Variants in ASB18 observed in about 807,000 individuals in gnomAD.
ASB18 encodes the protein ankyrin repeat and SOCS box containing 18.
Under a neutral mutation model 33.4 loss-of-function variants are expected in ASB18, and 33 were observed. That is an observed-to-expected ratio of 0.99 (90% CI 0.75 to 1.32). The LOEUF is 1.32. Among genes scored for constraint, ASB18 ranks in the 40% most tolerant of loss-of-function variants. ASB18 has a pLI of 0.00. For synonymous variants in ASB18, 295 were observed against 307.6 expected (o/e 0.96, Z 0.43); for missense variants, 694 against 655.5 (o/e 1.06, Z -0.64).
chr2:236,208,489 G>A lies in ASB18; in HGVS notation c.1101+5873C>T, dbSNP rs1479319806. On this transcript the variant is annotated intron_variant, in intron 4 of 5. Coordinates refer to ENST00000409749, the MANE Select transcript of ASB18 (RefSeq NM_212556.4). This position sits in a 1 kb window ranked among gnomAD's most constrained non-coding sequence, Gnocchi z 7.7. ...GTCTTGCTCACTGCAAACCTCCAGC[G>A]ACCCTCCCACTGGCCCTGTCACTTC... 2.0e-5 allele frequency among the ~76,000 whole-genome samples: 3 copies of A among 152,132 alleles called. No homozygotes were observed. The highest frequency in any genetic ancestry group is 2.9e-5 in the Non-Finnish European group (2 of 68,028).
In ASB18 at chr2:236,260,670, G is replaced by A. The variant is rs2060713489; in HGVS notation, c.205+3471C>T. Among the ~76,000 whole-genome samples the A allele has an allele frequency of 6.6e-6, 1 of 152,216 alleles. No homozygotes were observed. Among genetic ancestry groups the A allele is most frequent in the Admixed American group, 6.5e-5 (1 of 15,282 alleles). ...GGAGGGAACCTAAACGATGAACCAA[G>A]CCAGCAGTGGTTCCCAAGGAGCATC... On this transcript the variant is annotated intron_variant, in intron 1 of 5. Transcript: ENST00000409749. The surrounding 1 kb of genome is among the most constrained non-coding windows in gnomAD (Gnocchi z 5.1).
At position 236,194,039 on chromosome 2, in the gene ASB18, G is replaced by T. The variant is rs1180186279; in HGVS notation, c.*833C>A. Reference sequence around the variant, plus strand: ...GCTGGGGTGGACTCTGGCCACGCACGACCCTGAACTAGAATAAGCACATTA... The same window carrying T: ...GCTGGGGTGGACTCTGGCCACGCACTACCCTGAACTAGAATAAGCACATTA... On this transcript the variant is annotated 3_prime_UTR_variant, in exon 6 of 6. Transcript: ENST00000409749. The surrounding 1 kb of genome is among the most constrained non-coding windows in gnomAD (Gnocchi z 4.5). 6.6e-6 allele frequency among the ~76,000 whole-genome samples: 1 copy of T among 151,952 alleles called. No homozygotes were observed. The highest frequency in any genetic ancestry group is 2.4e-5 in the African/African-American group (1 of 41,214).
rs1453830460 is a variant in ASB18 at position 236,208,722 on chromosome 2, C to T, written c.1101+5640G>A. Among the ~76,000 whole-genome samples, 4 of 152,214 alleles carry T rather than the reference C, an allele frequency of 2.6e-5. No individual in the cohort carries two copies. Among genetic ancestry groups the T allele is most frequent in the Non-Finnish European group, 5.9e-5 (4 of 68,040 alleles). On this transcript the variant is annotated intron_variant, in intron 4 of 5. Transcript: ENST00000409749. The surrounding 1 kb of genome is among the most constrained non-coding windows in gnomAD (Gnocchi z 7.7). ...TCCACCTCTCTGGGGCTCCCTGCCC[C>T]TCCCCGTCCTCTGCATCGTGCCCCC...
chr2:236,214,342 C>T lies in ASB18; in HGVS notation c.1101+20G>A. The T allele has an allele frequency of 1.3e-6, 2 of 1,558,730 alleles. No homozygotes were observed. The highest frequency in any genetic ancestry group is 1.4e-5 in the African/African-American group (1 of 73,380). Reference sequence around the variant, plus strand: ...GCAAAACTCCAGGGCACGTGCCAGCCGGGCTGGATCCTGCCTTACCTTGGG... The same window carrying T: ...GCAAAACTCCAGGGCACGTGCCAGCTGGGCTGGATCCTGCCTTACCTTGGG... On this transcript the variant is annotated intron_variant, in intron 4 of 5. Coordinates refer to ENST00000409749, the MANE Select transcript of ASB18 (RefSeq NM_212556.4). This position sits in a 1 kb window ranked among gnomAD's most constrained non-coding sequence, Gnocchi z 6.5.
Position 236,195,730 on chromosome 2 carries a change from G to C in ASB18, c.1215+542C>G, listed in dbSNP as rs1030608651. Among the ~76,000 whole-genome samples, 1 of 152,126 alleles carries C rather than the reference G, an allele frequency of 6.6e-6. No individual in the cohort carries two copies. The highest frequency in any genetic ancestry group is 1.5e-5 in the Non-Finnish European group (1 of 68,024). On this transcript the variant is annotated intron_variant, in intron 5 of 5. Coordinates refer to ENST00000409749, the MANE Select transcript of ASB18 (RefSeq NM_212556.4). The surrounding 1 kb of genome is among the most constrained non-coding windows in gnomAD (Gnocchi z 5.5). ...AAGCTTTCACCATGTTGGCCAGTCT[G>C]GTCTTGAACTCCTGACCTCAAGCGA...
chr2:236,199,990 G>C (rs1163254247), intron 4 of ASB18, among the ~76,000 whole-genome samples: 3 of 151,856 alleles, frequency 2.0e-5, no homozygotes, highest in Non-Finnish European at 4.4e-5. Context: ...TATTTTCCTG[G>C]AAAATAATCT....
rs560921852 is a variant in ASB18, at chr2:236,224,675, A to G, written c.597-9809T>C. Reference sequence around the variant, plus strand: ...GTGCAACCTTACTGGCATAACACGGACTCTCTCTGAGCCTTGGTTTTCTAA... The same window carrying G: ...GTGCAACCTTACTGGCATAACACGGGCTCTCTCTGAGCCTTGGTTTTCTAA... On this transcript the variant is annotated intron_variant, in intron 3 of 5. Coordinates refer to ENST00000409749, the MANE Select transcript of ASB18 (RefSeq NM_212556.4). Among the ~76,000 whole-genome samples the G allele has an allele frequency of 2.0e-5, 3 of 152,052 alleles. No homozygotes were observed. The South Asian group carries it at 6.2e-4, about 32-fold the overall frequency.
Position 236,214,538 on chromosome 2 carries a change from C to A in ASB18, c.925G>T (p.Ala309Ser), listed in dbSNP as rs1233934901. 2 of 1,422,720 alleles carry A rather than the reference C, an allele frequency of 1.4e-6. No individual in the cohort carries two copies. Among genetic ancestry groups the A allele is most frequent in the African/African-American group, 1.5e-5 (1 of 65,906 alleles). The allele number at this position is 1,422,720 out of a possible 1,614,324, so 88.1% of individuals were successfully genotyped here. A position where few individuals can be genotyped will look rare whatever the true frequency, so the allele number is the denominator to read the frequency against. ...KACGHASHSL[A>S]RLLLRHGADA... ...GCGCCGTGCCGCAGTAGGAGGCGCG[C>A]CAGGCTGTGGCTCGCGTGGCCGCAG... The change falls in exon 4 of 6, where the codon GCG (alanine) becomes TCG (serine). Residue 309 changes from alanine (A) to serine (S), a missense_variant. Transcript: ENST00000409749. The surrounding 1 kb of genome is among the most constrained non-coding windows in gnomAD (Gnocchi z 6.5).
At position 236,259,763 on chromosome 2, in the gene ASB18, G is replaced by T. The variant is rs1267167059; in HGVS notation, c.205+4378C>A. Among the ~76,000 whole-genome samples the T allele has an allele frequency of 1.3e-5, 2 of 152,232 alleles. No individual in the cohort carries two copies. Among genetic ancestry groups the T allele is most frequent in the Non-Finnish European group, 2.9e-5 (2 of 68,032 alleles). On this transcript the variant is annotated intron_variant, in intron 1 of 5. Coordinates refer to ENST00000409749, the MANE Select transcript of ASB18 (RefSeq NM_212556.4). The surrounding 1 kb of genome is among the most constrained non-coding windows in gnomAD (Gnocchi z 4.4). ...GCCTTCACAAGGGCACAGGCCAGTT[G>T]CCTGTTTAAGAGAATTCTGACTGAT...
intron 4 of ASB18, among the ~76,000 whole-genome samples, chr2:236,206,190 GTTTT>G (rs58498672): frequency 7.2e-6 from 1 of 138,024 alleles, no homozygotes; most frequent in Admixed American, 7.3e-5. Flanking sequence ...AGTTTCTTGG[GTTTT>G]TTTTTTTTTT....
In ASB18 at chr2:236,214,507, G is replaced by C; in HGVS notation, c.956C>G (p.Ala319Gly). 6.8e-7 allele frequency: 1 copy of C among 1,477,514 alleles called. No individual in the cohort carries two copies. The highest frequency in any genetic ancestry group is 1.5e-5 in the African/African-American group (1 of 67,556). 91.5% of individuals were successfully genotyped at this position (1,477,514 alleles called of 1,614,324 possible). A position where few individuals can be genotyped will look rare whatever the true frequency, so the allele number is the denominator to read the frequency against. The change falls in exon 4 of 6, where the codon GCG becomes GGG. Residue 319 changes from alanine (A) to glycine (G), a missense_variant. Physicochemically the swap from Ala to Gly is moderately conservative, Grantham distance 60 (BLOSUM62 0). Transcript: ENST00000409749. The surrounding 1 kb of genome is among the most constrained non-coding windows in gnomAD (Gnocchi z 6.5). ...ARLLLRHGAD[A>G]GALDYGGASP... ...GGCCCCGCCATAGTCGAGCGCGCCCGCGTCGGCGCCGTGCCGCAGTAGGAG... is the reference window on the plus strand; with the variant it reads ...GGCCCCGCCATAGTCGAGCGCGCCCCCGTCGGCGCCGTGCCGCAGTAGGAG...
chr2:236,194,922 T>C lies in ASB18; in HGVS notation c.1351A>G (p.Lys451Glu). 2 of 1,613,856 alleles carry C rather than the reference T, an allele frequency of 1.2e-6. No individual in the cohort carries two copies. The highest frequency in any genetic ancestry group is 8.5e-7 in the Non-Finnish European group (1 of 1,179,858). Residue 451 changes from lysine to glutamate, a missense_variant, in exon 6 of 6, where the codon AAG becomes GAG. Transcript: ENST00000409749. The surrounding 1 kb of genome is among the most constrained non-coding windows in gnomAD (Gnocchi z 4.5). ...FDLIPLLPLP[K>E]PLQNYLLLEP... Reference sequence around the variant, plus strand: ...AAAAGTAGGTAATTCTGCAGGGGCTTTGGCAAGGGTAACAGGGGGATGAGG... The same window carrying C: ...AAAAGTAGGTAATTCTGCAGGGGCTCTGGCAAGGGTAACAGGGGGATGAGG...
rs2060612815 is a variant in ASB18 at position 236,239,757 on chromosome 2, G to C, written c.328+1523C>G. Among the ~76,000 whole-genome samples, 3 of 152,220 alleles carry C rather than the reference G, an allele frequency of 2.0e-5. No homozygotes were observed. Reference sequence around the variant, plus strand: ...TTCCCCACCAGGGGAGCTGGAATTGGCCACCGGGAAGTCTTTTCATGGGAG... The same window carrying C: ...TTCCCCACCAGGGGAGCTGGAATTGCCCACCGGGAAGTCTTTTCATGGGAG... On this transcript the variant is annotated intron_variant, in intron 2 of 5. Transcript: ENST00000409749. This position sits in a 1 kb window ranked among gnomAD's most constrained non-coding sequence, Gnocchi z 5.6.
intron 4 of ASB18, among the ~76,000 whole-genome samples, chr2:236,212,774 G>A (rs925493555): frequency 3.3e-5 from 5 of 152,116 alleles, no homozygotes; most frequent in Non-Finnish European, 5.9e-5. Flanking sequence ...ACAGGTGCAT[G>A]CCACCAGGCC....
At chr2:236,206,890 G>A (rs548183405) in intron 4 of ASB18, among the ~76,000 whole-genome samples, 19 of 152,338 alleles carry the variant, frequency 1.2e-4, no homozygotes, top group African/African-American at 3.4e-4. Flanking sequence ...AGGGCCATCC[G>A]CTGGAAGCAA....
rs990493919 is a variant in ASB18, at chr2:236,239,897, G to A, written c.328+1383C>T. ...GCTGGAATCCAGGCAGCCTGAGCTTGCCTCCCTCTCTTCCCAGCCTGTGTG... is the reference window on the plus strand; with the variant it reads ...GCTGGAATCCAGGCAGCCTGAGCTTACCTCCCTCTCTTCCCAGCCTGTGTG... On this transcript the variant is annotated intron_variant, in intron 2 of 5. Transcript: ENST00000409749. The surrounding 1 kb of genome is among the most constrained non-coding windows in gnomAD (Gnocchi z 5.6). 3.3e-5 allele frequency among the ~76,000 whole-genome samples: 5 copies of A among 152,234 alleles called. No homozygotes were observed. The highest frequency in any genetic ancestry group is 7.3e-5 in the Non-Finnish European group (5 of 68,038).
rs2060562325 is a variant in ASB18 at position 236,231,054 on chromosome 2, A to C, written c.596+6635T>G. Among the ~76,000 whole-genome samples, 1 of 152,164 alleles carries C rather than the reference A, an allele frequency of 6.6e-6. No individual in the cohort carries two copies. Among genetic ancestry groups the C allele is most frequent in the South Asian group, 2.1e-4 (1 of 4,832 alleles). On this transcript the variant is annotated intron_variant, in intron 3 of 5. Coordinates refer to ENST00000409749, the MANE Select transcript of ASB18 (RefSeq NM_212556.4). The surrounding 1 kb of genome is among the most constrained non-coding windows in gnomAD (Gnocchi z 5.5). ...AGTATCTAGCATGGTCCCCCACTGA[A>C]GTCTATCTTCTGGTGTCCATGCTCT...
intron 4 of ASB18, among the ~76,000 whole-genome samples, chr2:236,207,819 CTTT>C (rs36109128): frequency 2.4e-4 from 32 of 135,146 alleles, no homozygotes; most frequent in South Asian, 2.3e-4. Flanking sequence ...GCCTGGCTGA[CTTT>C]TTTTTTTTTT....
Position 236,238,610 on chromosome 2 carries a change from G to GGTGTGTGTGTGTGTGTGTGTGTGTGT in ASB18, c.329-655_329-654insACACACACACACACACACACACACAC, listed in dbSNP as rs149889496. ...GGTTTGTTTCTTTGCGCTTTTTAGGGGTGTGTGTGTGTGTGTGTGTAGGGT... is the reference window on the plus strand; with the variant it reads ...GGTTTGTTTCTTTGCGCTTTTTAGGGGTGTGTGTGTGTGTGTGTGTGTGTGTGTGTGTGTGTGTGTGTGTGTAGGGT... On this transcript the variant is annotated intron_variant, in intron 2 of 5. Coordinates refer to ENST00000409749, the MANE Select transcript of ASB18 (RefSeq NM_212556.4). The surrounding 1 kb of genome is among the most constrained non-coding windows in gnomAD (Gnocchi z 5.2). Among the ~76,000 whole-genome samples, 10 of 150,268 alleles carry GGTGTGTGTGTGTGTGTGTGTGTGTGT rather than the reference G, an allele frequency of 6.7e-5. No individual in the cohort carries two copies. Among genetic ancestry groups the GGTGTGTGTGTGTGTGTGTGTGTGTGT allele is most frequent in the African/African-American group, 2.5e-4 (10 of 40,768 alleles).
Sources: gnomAD v4.1 joint callset for allele counts (sites outside exome capture counted in the v4.1 genomes callset) on GRCh38, gnomAD v4.1.1 for gene constraint, Gnocchi (gnomAD v3.1) non-coding constraint, MANE v1.5 for transcripts, NCBI Gene and HGNC (gene_info 2026-07-23, HGNC 2026-07-21) for gene names.